The following PDE7A variants were observed in gnomAD, a reference collection of about 807,000 sequenced individuals.
PDE7A encodes the protein phosphodiesterase 7A.
A neutral mutation model predicts 64.3 loss-of-function variants in PDE7A; 39 were observed. The observed-to-expected ratio is 0.61, with a 90% CI of 0.47 to 0.79. The LOEUF (loss-of-function observed/expected upper bound fraction) is 0.79. Among genes scored for constraint, PDE7A ranks in the 30% least tolerant of loss-of-function variants. The pLI is 0.00. For missense variants in PDE7A, 470 were observed against 582.8 expected (o/e 0.81, Z 1.99); for synonymous variants, 203 against 206.8 (o/e 0.98, Z 0.16).
At chr8:65,838,582 A>G (rs1057432603) in intron 1 of PDE7A, 2 of 152,214 alleles carry the variant, frequency 1.3e-5, no homozygotes, top group East Asian at 3.8e-4. Flanking sequence ...TTTGGCATGG[A>G]AATCTTTTTA....
chr8:65,765,407 T>A (rs1279546544), intron 3 of PDE7A: 2 of 133,532 alleles, frequency 1.5e-5, no homozygotes, highest in African/African-American at 2.8e-5. Context: ...GAGAATGGCG[T>A]GAACCCGGGA....
chr8:65,768,642 G>A (rs751505319), intron 3 of PDE7A, among the ~76,000 whole-genome samples: 54 of 152,194 alleles, frequency 3.5e-4, no homozygotes, highest in Non-Finnish European at 6.3e-4. Context: ...ACTGATACTT[G>A]TATTCTCTTT....
chr8:65,721,236 G>A (rs781001168), intron 12 of PDE7A, among the ~76,000 whole-genome samples: 8 of 152,094 alleles, frequency 5.3e-5, no homozygotes, highest in Non-Finnish European at 1.0e-4. Flanking sequence ...TTCACAGGAC[G>A]CCTTGTCAAA....
At chr8:65,789,077 T>C in intron 1 of PDE7A, 1 of 1,416,382 alleles carries the variant, frequency 7.1e-7, no homozygotes, top group Non-Finnish European at 9.3e-7. Context: ...CTCAAGCAGC[T>C]GCCTTCCAAC....
chr8:65,806,259 C>A (rs1810104761), intron 1 of PDE7A, among the ~76,000 whole-genome samples: 1 of 151,970 alleles, frequency 6.6e-6, no homozygotes, highest in Non-Finnish European at 1.5e-5. Context: ...AATTCTTGGA[C>A]ACTTTTAACT....
intron 1 of PDE7A, among the ~76,000 whole-genome samples, chr8:65,783,679 C>T (rs1809476655): frequency 6.6e-6 from 1 of 152,200 alleles, no homozygotes; most frequent in African/African-American, 2.4e-5. Context: ...AGAGCAGAAA[C>T]TTTGTCTATC....
At position 65,841,944 on chromosome 8, in the gene PDE7A, A is replaced by G; in HGVS notation, c.-436T>C. The stretch of plus-strand genomic sequence containing the variant: ...GCCAGACCCAGGGCGCGCGGGACTC[A>G]GGAGCAGCGACCAGCTCGGGCCGCC... On this transcript the variant is annotated 5_prime_UTR_variant, in exon 1 of 13. Transcript: ENST00000401827. The G allele has an allele frequency of 4.1e-6, 1 of 242,780 alleles. No homozygotes were observed. Among genetic ancestry groups the G allele is most frequent in the South Asian group, 4.3e-5 (1 of 23,008 alleles). 15.0% of individuals were successfully genotyped at this position (242,780 alleles called of 1,614,324 possible).
Position 65,800,196 on chromosome 8 carries a change from A to G in PDE7A, c.139-17353T>C, listed in dbSNP as rs996968334. The stretch of plus-strand genomic sequence containing the variant: ...ACAGATCCACTGGCACCTGGAGTCC[A>G]GATAAGGAGACAGTGAAAACTAAAC... On this transcript the variant is annotated intron_variant, in intron 1 of 12. Coordinates refer to ENST00000401827, the MANE Select transcript of PDE7A (RefSeq NM_001242318.3). Among the ~76,000 whole-genome samples the G allele has an allele frequency of 5.9e-5, 9 of 152,372 alleles. No homozygotes were observed. The South Asian group carries it at 1.2e-3, about 21-fold the overall frequency.
intron 6 of PDE7A, among the ~76,000 whole-genome samples, chr8:65,737,208 A>T (rs1807177400): frequency 6.6e-6 from 1 of 152,180 alleles, no homozygotes; most frequent in African/African-American, 2.4e-5. Context: ...CACAAAAGAT[A>T]ATCCATTGAA....
At chr8:65,737,799 G>T (rs553901644) in intron 6 of PDE7A, among the ~76,000 whole-genome samples, 2 of 152,164 alleles carry the variant, frequency 1.3e-5, no homozygotes, top group Non-Finnish European at 2.9e-5. Context: ...GATTACAGGC[G>T]TGAGCCACCA....
intron 1 of PDE7A, among the ~76,000 whole-genome samples, chr8:65,800,149 A>G: frequency 6.6e-6 from 1 of 151,398 alleles, no homozygotes; most frequent in South Asian, 2.1e-4. Context: ...ATTGTCTTTC[A>G]GAGGCTCGGA....
At chr8:65,723,762 T>A in intron 11 of PDE7A, 141 bp from the exon 12 acceptor site, 1 of 509,354 alleles carries the variant, frequency 2.0e-6, no homozygotes, top group Non-Finnish European at 3.2e-6. Context: ...AATTAGTTCT[T>A]TTTAAAATTT....
intron 5 of PDE7A, among the ~76,000 whole-genome samples, chr8:65,742,795 A>G (rs952209915): frequency 1.3e-5 from 2 of 152,216 alleles, no homozygotes; most frequent in African/African-American, 4.8e-5. Flanking sequence ...TCCACCTCTA[A>G]AATCAAAGGT....
In PDE7A at chr8:65,841,514, ACGCCCGCCCTGCCTCCGCGCGG is replaced by A. The variant is rs762532010; in HGVS notation, c.-28_-7del. On this transcript the variant is annotated 5_prime_UTR_variant, in exon 1 of 13. Transcript: ENST00000401827. ...AGCTGGTAACACACTTCCATTGAATACGCCCGCCCTGCCTCCGCGCGGCGCCCGCCCTGCCGCGGCCGCCGGC... is the reference window on the plus strand; with the variant it reads ...AGCTGGTAACACACTTCCATTGAATACGCCCGCCCTGCCGCGGCCGCCGGC... 405 of 1,485,896 alleles carry A rather than the reference ACGCCCGCCCTGCCTCCGCGCGG, an allele frequency of 2.7e-4. No individual in the cohort carries two copies. Among genetic ancestry groups the A allele is most frequent in the South Asian group, 1.0e-3 (73 of 71,330 alleles). The allele number at this position is 1,485,896 out of a possible 1,614,324, so 92.0% of individuals were successfully genotyped here.
intron 1 of PDE7A, among the ~76,000 whole-genome samples, chr8:65,837,453 C>T (rs1217068327): frequency 6.6e-6 from 1 of 152,152 alleles, no homozygotes; most frequent in Non-Finnish European, 1.5e-5. Context: ...TCATGAGATA[C>T]CTTGGAGATG....
intron 1 of PDE7A, among the ~76,000 whole-genome samples, chr8:65,814,847 TGAG>T (rs1444697758): frequency 6.6e-6 from 1 of 152,022 alleles, no homozygotes; most frequent in African/African-American, 2.4e-5. Context: ...TTTGGGAGGC[TGAG>T]GAGGATGGAT....
chr8:65,771,816 A>G (rs1585904663), intron 3 of PDE7A, among the ~76,000 whole-genome samples: 1 of 144,652 alleles, frequency 6.9e-6, no homozygotes, highest in South Asian at 2.3e-4. Flanking sequence ...TGGAGGCTGC[A>G]GTGAGCCACG....
intron 1 of PDE7A, among the ~76,000 whole-genome samples, chr8:65,802,031 G>C (rs927591963): frequency 6.6e-6 from 1 of 152,152 alleles, no homozygotes; most frequent in Non-Finnish European, 1.5e-5. Flanking sequence ...CTTCTTGTTC[G>C]AAAGAAATTC....
chr8:65,828,847 T>C (rs999392216), intron 1 of PDE7A, among the ~76,000 whole-genome samples: 3 of 152,156 alleles, frequency 2.0e-5, no homozygotes, highest in Non-Finnish European at 1.5e-5. Flanking sequence ...CTAGATAAGC[T>C]ATACATGTTT....
Sources: allele counts gnomAD v4.1 joint callset (sites outside exome capture counted in the v4.1 genomes callset), GRCh38; gene constraint gnomAD v4.1.1; transcripts MANE v1.5; gene names NCBI Gene and HGNC (gene_info 2026-07-23, HGNC 2026-07-21).